The following PLEKHG4 variants were observed in gnomAD, a reference collection of about 807,000 sequenced individuals.
PLEKHG4 encodes the protein puratrophin-1.
Under a neutral mutation model 136.9 loss-of-function variants are expected in PLEKHG4, and 85 were observed. That is an observed-to-expected ratio of 0.62 (90% confidence interval 0.52 to 0.74). The LOEUF (loss-of-function observed/expected upper bound fraction) is 0.74. Ranked by LOEUF, PLEKHG4 falls within the 30% of genes least tolerant of loss-of-function variation. PLEKHG4 has a pLI of 0.00. For synonymous variants in PLEKHG4, 577 were observed against 646.9 expected (o/e 0.89, Z 1.64); for missense variants, 1,317 against 1,527.8 (o/e 0.86, Z 2.30).
chr16:67,286,522 C>G lies in PLEKHG4; in HGVS notation c.2610C>G (p.Tyr870Ter). 1 of 1,586,756 alleles carries G rather than the reference C, an allele frequency of 6.3e-7. No homozygotes were observed. Among genetic ancestry groups the G allele is most frequent in the Non-Finnish European group, 8.6e-7 (1 of 1,165,064 alleles). Reference protein sequence around the residue: ...LLKPIQRMGKYALLLQELARA... With the variant: ...LLKPIQRMGK ...AGCCCATCCAGCGCATGGGCAAGTA[C>G]GCACTGCTGCTGCAGGAGCTGGCAC... is the stretch of plus-strand genomic sequence containing the variant. The change falls in exon 16 of 22, where the codon TAC (tyrosine) becomes TAG (stop). Residue 870 changes from tyrosine to a stop codon, truncating the protein, a stop_gained. Coordinates refer to ENST00000379344, the MANE Select transcript of PLEKHG4 (RefSeq NM_001129729.3). LOFTEE classifies it high-confidence loss of function.
At chr16:67,283,642 T>G (rs1458361649) in intron 11 of PLEKHG4, among the ~76,000 whole-genome samples, 1 of 151,924 alleles carries the variant, frequency 6.6e-6, no homozygotes, top group Non-Finnish European at 1.5e-5. Context: ...CCTGAGAGAC[T>G]AGGAGATGAG....
intron 14 of PLEKHG4, 127 bp downstream of exon 14, chr16:67,285,663 A>AC: frequency 2.8e-6 from 3 of 1,090,220 alleles, no homozygotes; most frequent in Non-Finnish European, 2.8e-6. Context: ...AGGCTCCTGC[A>AC]CCTGAGGGTG....
rs964518290 is a variant in PLEKHG4, at chr16:67,280,101, C to T, written c.57C>T (p.Thr19=). The T allele has an allele frequency of 2.5e-6, 4 of 1,613,650 alleles. No individual in the cohort carries two copies. The highest frequency in any genetic ancestry group is 3.4e-6 in the Non-Finnish European group (4 of 1,179,912). Reference sequence around the variant, plus strand: ...CCCCAGACTCTCAGGGCCATGCCACCGACTGGAGATTTGCTGTGTGCAGTT... The same window carrying T: ...CCCCAGACTCTCAGGGCCATGCCACTGACTGGAGATTTGCTGTGTGCAGTT... ...DESPDSQGHA[T]DWRFAVCSFR... The change falls in exon 2 of 22, where the codon ACC becomes ACT. Residue 19 remains threonine, a synonymous_variant. Coordinates refer to ENST00000379344, the MANE Select transcript of PLEKHG4 (RefSeq NM_001129729.3). This position sits in a 1 kb window ranked among gnomAD's most constrained non-coding sequence, Gnocchi z 4.4.
At chr16:67,287,590 A>T (rs889415526) in intron 18 of PLEKHG4, 1 of 500,498 alleles carries the variant, frequency 2.0e-6, no homozygotes, top group Non-Finnish European at 3.6e-6. Context: ...TAGAGGTCTC[A>T]TTATATTGCC....
intron 11 of PLEKHG4, 143 bp downstream of exon 11, chr16:67,283,001 A>G (rs1356363966): frequency 2.8e-6 from 2 of 716,306 alleles, no homozygotes; most frequent in African/African-American, 3.5e-5. Flanking sequence ...AATTAATCAC[A>G]GTCATATATG....
rs1567430328 is a variant in PLEKHG4 at position 67,279,581 on chromosome 16, C to T, written c.-215C>T. 6.5e-6 allele frequency: 1 copy of T among 153,302 alleles called. No homozygotes were observed. The highest frequency in any genetic ancestry group is 2.4e-5 in the African/African-American group (1 of 41,540). 9.5% of individuals were successfully genotyped at this position (153,302 alleles called of 1,614,324 possible). On this transcript the variant is annotated 5_prime_UTR_variant, in exon 1 of 22. Coordinates refer to ENST00000379344, the MANE Select transcript of PLEKHG4 (RefSeq NM_001129729.3). ...GTGGCCGTCGAGGCCGCCGTCTGTT[C>T]GAAGGCTGTCCGACTTCACGGTTCC...
Position 67,288,817 on chromosome 16 carries a change from C to T in PLEKHG4, c.*9C>T. The T allele has an allele frequency of 3.7e-6, 6 of 1,613,660 alleles. No individual in the cohort carries two copies. Among genetic ancestry groups the T allele is most frequent in the Non-Finnish European group, 5.1e-6 (6 of 1,179,832 alleles). On this transcript the variant is annotated 3_prime_UTR_variant, in exon 22 of 22. Transcript: ENST00000379344. ...TGGCCCTGCAGGTCTGAGCCCGGGA[C>T]TGGACGAGCAGTAGATCCAGCAGCC...
At chr16:67,282,156 T>C in intron 8 of PLEKHG4, 45 bp from the exon 9 acceptor site, 1 of 1,596,500 alleles carries the variant, frequency 6.3e-7, no homozygotes, top group Non-Finnish European at 8.6e-7. Context: ...GTCTCCCTCC[T>C]TCTCTCCCAT....
At chr16:67,287,246 CAG>C in intron 18 of PLEKHG4, 69 bp downstream of exon 18, 1 of 1,526,730 alleles carries the variant, frequency 6.5e-7, no homozygotes, top group African/African-American at 1.4e-5. Context: ...CACAGGAGCC[CAG>C]AGACCTGGGA....
intron 19 of PLEKHG4, 75 bp from the exon 20 acceptor site, chr16:67,288,092 G>T: frequency 6.5e-7 from 1 of 1,531,434 alleles, no homozygotes; most frequent in Admixed American, 1.7e-5. Flanking sequence ...CATTAGTGCT[G>T]GCCCGCACTT....
In PLEKHG4 at chr16:67,282,288, G is replaced by T; in HGVS notation, c.1192G>T (p.Gly398Cys). The change falls in exon 9 of 22, where the codon GGC (glycine) becomes TGC (cysteine). Residue 398 changes from glycine (G) to cysteine (C), a missense_variant. Transcript: ENST00000379344. ...PWLAWLQCQGGRELTWLKQEV... is the reference protein window; with the variant it reads ...PWLAWLQCQGCRELTWLKQEV... ...GCTGGCATGGCTACAATGCCAGGGGGGCCGGGAGCTGACATGGCTGAAGCA... is the reference window on the plus strand; with the variant it reads ...GCTGGCATGGCTACAATGCCAGGGGTGCCGGGAGCTGACATGGCTGAAGCA... The T allele has an allele frequency of 3.7e-6, 6 of 1,613,230 alleles. No individual in the cohort carries two copies. The highest frequency in any genetic ancestry group is 1.1e-5 in the South Asian group (1 of 91,084).
Position 67,282,875 on chromosome 16 carries a change from GTTC to G in PLEKHG4, c.1509+18_1509+20del. ...GTTGCCCAGGTATATGTGGTCACTT[GTTC>G]ATGCCACGGGTATTGGGATGCAATG... On this transcript the variant is annotated intron_variant, in intron 11 of 21. Transcript: ENST00000379344. The G allele has an allele frequency of 6.4e-7, 1 of 1,556,730 alleles. No homozygotes were observed. The highest frequency in any genetic ancestry group is 8.9e-7 in the Non-Finnish European group (1 of 1,128,616).
chr16:67,289,344 T>C lies in PLEKHG4; in HGVS notation c.*536T>C. 1 of 491,256 alleles carries C rather than the reference T, an allele frequency of 2.0e-6. No individual in the cohort carries two copies. Among genetic ancestry groups the C allele is most frequent in the Non-Finnish European group, 3.6e-6 (1 of 279,482 alleles). 30.4% of individuals were successfully genotyped at this position (491,256 alleles called of 1,614,324 possible). A position where few individuals can be genotyped will look rare whatever the true frequency, so the allele number is the denominator to read the frequency against. ...TTTCGTTATTTTGACTTGATGCCTT[T>C]TGAATAACTTTCAATAGAATTGTCT... is the stretch of plus-strand genomic sequence containing the variant. On this transcript the variant is annotated 3_prime_UTR_variant, in exon 22 of 22. Transcript: ENST00000379344.
At chr16:67,285,667 G>T in intron 14 of PLEKHG4, 131 bp downstream of exon 14, 1 of 1,048,982 alleles carries the variant, frequency 9.5e-7, no homozygotes, top group East Asian at 2.4e-5. Context: ...TCCTGCACCT[G>T]AGGGTGCTCT....
At position 67,288,256 on chromosome 16, in the gene PLEKHG4, G is replaced by T; in HGVS notation, c.3310G>T (p.Ala1104Ser). 1.2e-6 allele frequency: 2 copies of T among 1,613,734 alleles called. No individual in the cohort carries two copies. Among genetic ancestry groups the T allele is most frequent in the Non-Finnish European group, 1.7e-6 (2 of 1,180,002 alleles). Residue 1104 changes from alanine (A) to serine (S), a missense_variant, in exon 20 of 22, where the codon GCC (alanine) becomes TCC (serine). Physicochemically the swap from Ala to Ser is moderately conservative, Grantham distance 99 (BLOSUM62 1). Coordinates refer to ENST00000379344, the MANE Select transcript of PLEKHG4 (RefSeq NM_001129729.3). ...GASNSLPGDPASCSVLGSLNL... is the reference protein window; with the variant it reads ...GASNSLPGDPSSCSVLGSLNL... ...CTCGAACTCCCTTCCTGGAGACCCT[G>T]CCTCTTGCTCTGTTCTGGGGTCCCT...
chr16:67,277,863 T>C (rs950436800), upstream of PLEKHG4: 1 of 152,148 alleles, frequency 6.6e-6, no homozygotes, highest in African/African-American at 2.4e-5. Context: ...CTCTGTGGAG[T>C]GGAGAAACCA....
At chr16:67,282,712 C>T (rs760341615) in intron 10 of PLEKHG4, 30 bp from the exon 11 acceptor site, 1 of 1,613,280 alleles carries the variant, frequency 6.2e-7, no homozygotes, top group East Asian at 2.2e-5. Flanking sequence ...TAGCAGCTCT[C>T]TTCACTTTTC....
Position 67,288,531 on chromosome 16 carries a change from G to A in PLEKHG4, c.3497G>A (p.Ser1166Asn). 1 of 1,613,238 alleles carries A rather than the reference G, an allele frequency of 6.2e-7. No individual in the cohort carries two copies. The highest frequency in any genetic ancestry group is 2.2e-5 in the East Asian group (1 of 44,878). The part of the protein sequence containing the change: ...SEISSQCPSA[S>N]GSSGSDSSCV... ...ATCTCGTCCCAATGCCCATCAGCCA[G>A]TGGCTCCAGTGGCTCTGACAGCAGC... Residue 1166 changes from serine (S) to asparagine (N), a missense_variant, in exon 21 of 22, where the codon AGT becomes AAT. Coordinates refer to ENST00000379344, the MANE Select transcript of PLEKHG4 (RefSeq NM_001129729.3).
intron 5 of PLEKHG4, 26 bp from the exon 6 acceptor site, chr16:67,281,541 T>G: frequency 6.3e-7 from 1 of 1,597,330 alleles, no homozygotes; most frequent in Non-Finnish European, 8.6e-7. Context: ...GAGTTGGGGA[T>G]AGTGCTGAGC....
Sources: gnomAD v4.1 joint callset for allele counts (sites outside exome capture counted in the v4.1 genomes callset) on GRCh38, gnomAD v4.1.1 for gene constraint, Gnocchi (gnomAD v3.1) non-coding constraint, MANE v1.5 for transcripts, NCBI Gene and HGNC (gene_info 2026-07-23, HGNC 2026-07-21) for gene names.